The following SPECC1 variants were observed in gnomAD, a reference collection of about 807,000 sequenced individuals.
SPECC1 encodes the protein cytospin-B.
In SPECC1, 62 loss-of-function variants were observed where a neutral mutation model predicts 104.1. The ratio of observed to expected loss-of-function variants is 0.60; its 90% CI spans 0.49 to 0.74. SPECC1 has a LOEUF of 0.74. Among genes scored for constraint, SPECC1 ranks in the 30% least tolerant of loss-of-function variants. SPECC1 has a pLI of 0.00. For missense variants in SPECC1, 1,306 were observed against 1,310.5 expected (o/e 1.00, Z 0.05); for synonymous variants, 513 against 501.6 (o/e 1.02, Z -0.30).
chr17:20,117,228 C>T (rs910336565), intron 3 of SPECC1, among the ~76,000 whole-genome samples: 1 of 151,854 alleles, frequency 6.6e-6, no homozygotes, highest in African/African-American at 2.4e-5. Flanking sequence ...TCATTCCTCC[C>T]ATCAAAATAA....
At chr17:20,083,982 A>G (rs899948184) in intron 1 of SPECC1, among the ~76,000 whole-genome samples, 11 of 152,216 alleles carry the variant, frequency 7.2e-5, no homozygotes, top group African/African-American at 2.7e-4. Context: ...CTTAATGACT[A>G]ATGATGTCAA....
chr17:20,030,303 A>G (rs1297432156), intron 1 of SPECC1, among the ~76,000 whole-genome samples: 1 of 152,310 alleles, frequency 6.6e-6, no homozygotes, highest in East Asian at 1.9e-4. Flanking sequence ...GTTAGATACC[A>G]AAATGTTATT....
intron 3 of SPECC1, among the ~76,000 whole-genome samples, chr17:20,173,195 G>C (rs1242613162): frequency 6.6e-6 from 1 of 152,202 alleles, no homozygotes; most frequent in African/African-American, 2.4e-5. Context: ...ACAATAACTA[G>C]AATACAAGTC....
chr17:20,279,229 C>G (rs950737463), intron 12 of SPECC1, among the ~76,000 whole-genome samples: 4 of 151,648 alleles, frequency 2.6e-5, no homozygotes, highest in Non-Finnish European at 4.4e-5. Context: ...AATTTCATGG[C>G]AAGACACTTA....
At position 20,257,105 on chromosome 17, in the gene SPECC1, T is replaced by G. The variant is rs544059159; in HGVS notation, c.2681-346T>G. 3.9e-5 allele frequency among the ~76,000 whole-genome samples: 6 copies of G among 152,296 alleles called. No homozygotes were observed. The South Asian group carries it at 1.0e-3, about 26-fold the overall frequency. Reference sequence around the variant, plus strand: ...TTTTCCTGCCACTCTCTCTCAGATGTCTGTCAGTTAAAACAAAAGATACTA... The same window carrying G: ...TTTTCCTGCCACTCTCTCTCAGATGGCTGTCAGTTAAAACAAAAGATACTA... On this transcript the variant is annotated intron_variant, in intron 10 of 14. Transcript: ENST00000395527.
chr17:20,112,282 A>G lies in SPECC1; in HGVS notation c.283+1720A>G, dbSNP rs770382870. Reference sequence around the variant, plus strand: ...GAACCCATTTTGAACTACTTGTGTCATGGAGAGCTTATTGTACATGATGGC... The same window carrying G: ...GAACCCATTTTGAACTACTTGTGTCGTGGAGAGCTTATTGTACATGATGGC... On this transcript the variant is annotated intron_variant, in intron 3 of 14. Coordinates refer to ENST00000395527, the MANE Select transcript of SPECC1 (RefSeq NM_001243439.2). 7.7e-5 allele frequency: 59 copies of G among 762,026 alleles called. 1 individual carries two copies. Among genetic ancestry groups the G allele is most frequent in the Non-Finnish European group, 9.8e-5 (40 of 407,564 alleles). The allele number at this position is 762,026 out of a possible 1,614,324, so 47.2% of individuals were successfully genotyped here. A position where few individuals can be genotyped will look rare whatever the true frequency, so the allele number is the denominator to read the frequency against.
At chr17:20,195,290 C>G (rs2035954178) in intron 3 of SPECC1, among the ~76,000 whole-genome samples, 1 of 152,178 alleles carries the variant, frequency 6.6e-6, no homozygotes, top group African/African-American at 2.4e-5. Context: ...AGGACAGCCA[C>G]TATTAAAGCC....
At chr17:20,024,038 C>T (rs138325577) in intron 1 of SPECC1, among the ~76,000 whole-genome samples, 222 of 152,230 alleles carry the variant, frequency 1.5e-3, no homozygotes, top group Middle Eastern at 6.8e-3. Flanking sequence ...TACACTTTGA[C>T]GAAATATATT....
At chr17:20,131,776 A>C (rs2152548453) in intron 3 of SPECC1, among the ~76,000 whole-genome samples, 1 of 151,468 alleles carries the variant, frequency 6.6e-6, no homozygotes, top group South Asian at 2.1e-4. Flanking sequence ...CAGCCTTCCA[A>C]GTAGCTGGGA....
chr17:20,115,006 TC>T (rs2048687110), intron 3 of SPECC1, among the ~76,000 whole-genome samples: 1 of 152,222 alleles, frequency 6.6e-6, no homozygotes, highest in African/African-American at 2.4e-5. Context: ...TGTTATTCAC[TC>T]ACTTAAAGGT....
intron 12 of SPECC1, among the ~76,000 whole-genome samples, chr17:20,281,160 C>G (rs1311814216): frequency 6.6e-6 from 1 of 152,174 alleles, no homozygotes; most frequent in Non-Finnish European, 1.5e-5. Flanking sequence ...TGCTGTAAGC[C>G]ATGGGAACTC....
At chr17:20,189,780 C>A (rs1597923174) in intron 3 of SPECC1, among the ~76,000 whole-genome samples, 1 of 152,118 alleles carries the variant, frequency 6.6e-6, no homozygotes, top group South Asian at 2.1e-4. Context: ...ATTTTGAATT[C>A]TAATCCAATT....
At chr17:20,120,921 G>A (rs905354337) in intron 3 of SPECC1, among the ~76,000 whole-genome samples, 3 of 152,094 alleles carry the variant, frequency 2.0e-5, no homozygotes, top group South Asian at 2.1e-4. Flanking sequence ...TGCCTAGGGC[G>A]CCAACTTGCC....
At chr17:20,290,977 G>C (rs777991144) in intron 12 of SPECC1, among the ~76,000 whole-genome samples, 15 of 152,234 alleles carry the variant, frequency 9.9e-5, no homozygotes, top group Non-Finnish European at 2.2e-4. Flanking sequence ...ATGTAAGTGT[G>C]TATATAATGT....
At chr17:20,188,975 G>A (rs1444240053) in intron 3 of SPECC1, among the ~76,000 whole-genome samples, 1 of 152,106 alleles carries the variant, frequency 6.6e-6, no homozygotes, top group Non-Finnish European at 1.5e-5. Flanking sequence ...GGTAGAACTT[G>A]GAAGTTTCTC....
chr17:20,201,788 C>T (rs1406998233), intron 3 of SPECC1, among the ~76,000 whole-genome samples: 1 of 151,992 alleles, frequency 6.6e-6, no homozygotes, highest in African/African-American at 2.4e-5. Flanking sequence ...TCTGTGACAC[C>T]TATAAGTAAG....
intron 3 of SPECC1, among the ~76,000 whole-genome samples, chr17:20,191,256 G>T (rs1252686258): frequency 6.6e-6 from 1 of 152,104 alleles, no homozygotes; most frequent in African/African-American, 2.4e-5. Context: ...GAGTGCTATT[G>T]CTGGATCATA....
intron 7 of SPECC1, among the ~76,000 whole-genome samples, chr17:20,245,036 T>C (rs7214322): frequency 0.016 from 2,479 of 152,346 alleles, 51 homozygotes; most frequent in African/African-American, 0.055. Flanking sequence ...GAGCAGGAGC[T>C]TCACCTCATG....
intron 1 of SPECC1, among the ~76,000 whole-genome samples, chr17:20,027,606 G>A (rs2044646271): frequency 1.3e-5 from 2 of 152,214 alleles, no homozygotes; most frequent in South Asian, 4.2e-4. Context: ...TTTTCTATAT[G>A]GTGAGAGATA....
Sources: gnomAD v4.1 joint callset for allele counts (sites outside exome capture counted in the v4.1 genomes callset) on GRCh38, gnomAD v4.1.1 for gene constraint, MANE v1.5 for transcripts, NCBI Gene and HGNC (gene_info 2026-07-23, HGNC 2026-07-21) for gene names.